The following ZNF385D variants were observed in gnomAD, a reference collection of about 807,000 sequenced individuals.
ZNF385D encodes the protein zinc finger protein 385D, also known as zinc finger protein 659.
ZNF385D carries 15 observed loss-of-function variants against 35.8 expected under a neutral mutation model. That is an observed-to-expected ratio of 0.42 (90% CI 0.28 to 0.64). ZNF385D has a LOEUF of 0.64. Ranked by LOEUF, ZNF385D falls within the 30% of genes least tolerant of loss-of-function variation. The pLI is 0.23. For missense variants in ZNF385D, 474 were observed against 494.6 expected, an observed-to-expected ratio of 0.96 and a Z score of 0.39; for synonymous variants, 212 against 186.8, an observed-to-expected ratio of 1.13 and a Z score of -1.10.
chr3:21,517,092 C>T (rs1707619080), intron 3 of ZNF385D, among the ~76,000 whole-genome samples: 1 of 151,236 alleles, frequency 6.6e-6, no homozygotes, highest in Admixed American at 6.6e-5. Context: ...AAAATTTTAT[C>T]TTTTTTTAAT....
At chr3:21,802,658 G>A (rs977427645) in intron 3 of ZNF385D, among the ~76,000 whole-genome samples, 2 of 152,128 alleles carry the variant, frequency 1.3e-5, no homozygotes, top group African/African-American at 4.8e-5. Flanking sequence ...TACCCTGGAC[G>A]TAGAAATACA....
chr3:22,068,134 G>A (rs955656908), intron 3 of ZNF385D, among the ~76,000 whole-genome samples: 1 of 152,132 alleles, frequency 6.6e-6, no homozygotes. Flanking sequence ...CTTTGAGAAG[G>A]TCTTAGTCAT....
intron 2 of ZNF385D, among the ~76,000 whole-genome samples, chr3:21,573,809 C>T (rs1194259809): frequency 6.6e-6 from 1 of 151,704 alleles, no homozygotes; most frequent in Admixed American, 6.6e-5. Flanking sequence ...CATGTAATCC[C>T]AGCACTCTGG....
chr3:22,198,065 A>G (rs917602096), intron 2 of ZNF385D, among the ~76,000 whole-genome samples: 13 of 152,050 alleles, frequency 8.5e-5, no homozygotes, highest in Non-Finnish European at 1.8e-4. Flanking sequence ...CTCATATACA[A>G]TTTTTAAAGG....
Position 22,202,453 on chromosome 3 carries a change from G to C in ZNF385D, c.107-33418C>G, listed in dbSNP as rs61350820. On this transcript the variant is annotated intron_variant, in intron 2 of 5. Transcript: ENST00000494108. Reference sequence around the variant, plus strand: ...CCTGGGGGAGGTGAGTAACAACAGGGTGGGTGCCTTGAAAATGTTCATTGG... The same window carrying C: ...CCTGGGGGAGGTGAGTAACAACAGGCTGGGTGCCTTGAAAATGTTCATTGG... Among the ~76,000 whole-genome samples, 584 of 152,130 alleles carry C rather than the reference G, an allele frequency of 3.8e-3. 9 individuals are homozygous for C. The highest frequency in any genetic ancestry group is 0.013 in the African/African-American group (548 of 41,512).
intron 3 of ZNF385D, among the ~76,000 whole-genome samples, chr3:21,556,074 T>G (rs113147316): frequency 0.035 from 4,932 of 139,988 alleles, 119 homozygotes; most frequent in Middle Eastern, 0.07. Context: ...TTTTGTTTTT[T>G]TTTTTTTTTT....
At chr3:21,972,645 TG>T (rs1331848255) in intron 3 of ZNF385D, among the ~76,000 whole-genome samples, 9 of 151,798 alleles carry the variant, frequency 5.9e-5, no homozygotes, top group Non-Finnish European at 3.0e-5. Flanking sequence ...AATGAAAAGT[TG>T]TTTTTTTGAA....
intron 3 of ZNF385D, among the ~76,000 whole-genome samples, chr3:21,773,048 G>A (rs914892020): frequency 8.6e-5 from 13 of 151,784 alleles, no homozygotes; most frequent in Admixed American, 2.0e-4. Flanking sequence ...CTGGAGATGG[G>A]GGAGAGAAAA....
At chr3:21,622,474 T>G (rs1264764753) in intron 2 of ZNF385D, among the ~76,000 whole-genome samples, 1 of 152,056 alleles carries the variant, frequency 6.6e-6, no homozygotes, top group African/African-American at 2.4e-5. Context: ...AAGATCAAGG[T>G]TGAAATTGTA....
chr3:22,326,819 C>T (rs772683006), intron 2 of ZNF385D, among the ~76,000 whole-genome samples: 1 of 152,322 alleles, frequency 6.6e-6, no homozygotes, highest in East Asian at 1.9e-4. Context: ...AGATACCGAA[C>T]ATTACCAAAG....
chr3:22,113,763 A>T (rs1388927346), intron 3 of ZNF385D, among the ~76,000 whole-genome samples: 1 of 152,106 alleles, frequency 6.6e-6, no homozygotes, highest in Non-Finnish European at 1.5e-5. Flanking sequence ...AGGCGGGTGA[A>T]TCACGAGTCA....
intron 2 of ZNF385D, among the ~76,000 whole-genome samples, chr3:21,590,470 A>G (rs1024845173): frequency 6.6e-6 from 1 of 152,276 alleles, no homozygotes; most frequent in African/African-American, 2.4e-5. Context: ...ATTTGTATAC[A>G]TCAAATATTT....
chr3:21,752,829 T>C (rs1200360729), upstream of ZNF385D, among the ~76,000 whole-genome samples: 1 of 152,246 alleles, frequency 6.6e-6, no homozygotes, highest in Non-Finnish European at 1.5e-5. Context: ...TAAATGTTTT[T>C]TCCTTTTGGA....
chr3:21,886,349 G>A (rs1698545914), intron 3 of ZNF385D, among the ~76,000 whole-genome samples: 1 of 108,428 alleles, frequency 9.2e-6, no homozygotes, highest in Non-Finnish European at 1.9e-5. Context: ...ACCGAATCTG[G>A]CTGTGATTAA....
chr3:22,102,622 A>T (rs73139398), intron 3 of ZNF385D, among the ~76,000 whole-genome samples: 64 of 152,216 alleles, frequency 4.2e-4, no homozygotes, highest in African/African-American at 1.5e-3. Context: ...TGAGAAAAAT[A>T]TACATCGACA....
At chr3:22,284,388 C>T (rs1421337005) in intron 2 of ZNF385D, among the ~76,000 whole-genome samples, 1 of 151,924 alleles carries the variant, frequency 6.6e-6, no homozygotes, top group Non-Finnish European at 1.5e-5. Flanking sequence ...GATGGAGTTT[C>T]ACCGTGTTAG....
At chr3:22,347,405 T>C (rs185998293) in intron 2 of ZNF385D, among the ~76,000 whole-genome samples, 22 of 152,278 alleles carry the variant, frequency 1.4e-4, no homozygotes, top group African/African-American at 5.3e-4. Context: ...AAAAGGTCTC[T>C]CCCAGTATCA....
At chr3:22,008,564 G>A (rs1479205080) in intron 3 of ZNF385D, among the ~76,000 whole-genome samples, 4 of 152,082 alleles carry the variant, frequency 2.6e-5, no homozygotes, top group Non-Finnish European at 4.4e-5. Flanking sequence ...CACCGTGTTA[G>A]CCAGCATGGT....
At position 21,421,308 on chromosome 3, in the gene ZNF385D, A is replaced by G. The variant is rs1414592305; in HGVS notation, c.1094T>C (p.Leu365Pro). ...CGGAGGAAGCGCGGAAGTCTGGAAC[A>G]GTGTTGCTGCTGGAGCAGTTCGAAG... ...FSLRTAPAAT[L>P]FQTSALPPAL... Residue 365 changes from leucine to proline, a missense_variant, in exon 8 of 8, where the codon CTG (leucine) becomes CCG (proline). Leu to Pro is a moderately conservative substitution (Grantham distance 98). Transcript: ENST00000281523. 6.2e-7 allele frequency: 1 copy of G among 1,614,148 alleles called. No individual in the cohort carries two copies. The highest frequency in any genetic ancestry group is 1.1e-5 in the South Asian group (1 of 91,070).
Sources: allele counts gnomAD v4.1 joint callset (sites outside exome capture counted in the v4.1 genomes callset), GRCh38; gene constraint gnomAD v4.1.1; transcripts MANE v1.5; gene names NCBI Gene and HGNC (gene_info 2026-07-23, HGNC 2026-07-21).